The following GRM8 variants were observed in gnomAD, a reference collection of about 807,000 sequenced individuals.
The protein encoded by GRM8 is metabotropic glutamate receptor 8.
In GRM8, 47 loss-of-function variants were observed where a neutral mutation model predicts 87.2. That is an observed-to-expected ratio of 0.54 (90% CI 0.43 to 0.69). The LOEUF (loss-of-function observed/expected upper bound fraction) is 0.69, where lower values mean the gene tolerates loss of function less well. GRM8 is among the 30% of genes least tolerant of loss of function. The pLI is 0.00. For synonymous variants in GRM8, 396 were observed against 404.5 expected, an observed-to-expected ratio of 0.98 and a Z score of 0.25; for missense variants, 1,019 against 1,139.2, an observed-to-expected ratio of 0.89 and a Z score of 1.52.
intron 2 of GRM8, among the ~76,000 whole-genome samples, chr7:127,210,598 A>AT (rs978106867): frequency 1.1e-4 from 16 of 152,112 alleles, no homozygotes; most frequent in African/African-American, 3.6e-4. Flanking sequence ...TACATGATAA[A>AT]TTTTTTCTGT....
At chr7:126,563,907 G>A (rs1024397447) in intron 8 of GRM8, among the ~76,000 whole-genome samples, 1 of 152,136 alleles carries the variant, frequency 6.6e-6, no homozygotes, top group Non-Finnish European at 1.5e-5. Context: ...AGTGCTTATC[G>A]CTAGAAATTT....
chr7:127,051,340 G>A (rs550741300), intron 3 of GRM8, among the ~76,000 whole-genome samples: 1 of 56,804 alleles, frequency 1.8e-5, no homozygotes, highest in African/African-American at 2.3e-4. Context: ...TTTTCCCTTC[G>A]TGGCAAAAAA....
At chr7:126,688,072 T>C (rs548551375) in intron 7 of GRM8, among the ~76,000 whole-genome samples, 1 of 152,282 alleles carries the variant, frequency 6.6e-6, no homozygotes, top group Admixed American at 6.5e-5. Context: ...AAATATCCTA[T>C]CACATTCTGT....
At chr7:127,056,816 T>C (rs756117220) in intron 3 of GRM8, among the ~76,000 whole-genome samples, 3 of 152,202 alleles carry the variant, frequency 2.0e-5, no homozygotes, top group Admixed American at 6.5e-5. Context: ...CAACCACCAT[T>C]TCAAATTCCA....
chr7:126,730,544 T>C (rs1286803843), intron 7 of GRM8, among the ~76,000 whole-genome samples: 1 of 152,112 alleles, frequency 6.6e-6, no homozygotes, highest in Non-Finnish European at 1.5e-5. Flanking sequence ...AATATTTTAT[T>C]TTGTAAACAA....
chr7:127,123,018 A>T (rs1485567977), intron 2 of GRM8, among the ~76,000 whole-genome samples: 1 of 152,088 alleles, frequency 6.6e-6, no homozygotes, highest in Admixed American at 6.6e-5. Context: ...AAGACTTTTA[A>T]TCCCCTGTAG....
intron 7 of GRM8, among the ~76,000 whole-genome samples, chr7:126,746,009 G>C (rs1815628111): frequency 6.6e-6 from 1 of 151,524 alleles, no homozygotes; most frequent in South Asian, 2.1e-4. Flanking sequence ...TTGCCCTAAA[G>C]AAAGCTAAGA....
intron 7 of GRM8, among the ~76,000 whole-genome samples, chr7:126,648,080 T>C (rs1467308841): frequency 6.6e-6 from 1 of 152,088 alleles, no homozygotes; most frequent in African/African-American, 2.4e-5. Flanking sequence ...TTCACCTCCT[T>C]AAAACCGATA....
chr7:127,016,340 C>T (rs17867733), intron 3 of GRM8, among the ~76,000 whole-genome samples: 4 of 151,950 alleles, frequency 2.6e-5, no homozygotes. Context: ...CTAAAAGGAG[C>T]AGAACCAGGT....
At chr7:126,917,919 C>T (rs13310865) in intron 3 of GRM8, among the ~76,000 whole-genome samples, 7 of 152,170 alleles carry the variant, frequency 4.6e-5, no homozygotes, top group African/African-American at 1.2e-4. Flanking sequence ...TCCATAAACC[C>T]GGGTCTGCCT....
chr7:126,733,568 T>C (rs1170516183), intron 7 of GRM8, among the ~76,000 whole-genome samples: 3 of 151,420 alleles, frequency 2.0e-5, no homozygotes, highest in Non-Finnish European at 4.4e-5. Flanking sequence ...AAATCTAATA[T>C]TATATTAAAA....
intron 3 of GRM8, among the ~76,000 whole-genome samples, chr7:127,051,360 A>C (rs184310686): frequency 1.5e-3 from 232 of 152,022 alleles, no homozygotes; most frequent in Non-Finnish European, 2.6e-3. Context: ...AAAAACCTGC[A>C]CACGTACCCT....
intron 3 of GRM8, among the ~76,000 whole-genome samples, chr7:126,971,078 T>C (rs756219593): frequency 7.0e-6 from 1 of 143,782 alleles, no homozygotes; most frequent in Non-Finnish European, 1.5e-5. Flanking sequence ...GACACAGAGA[T>C]ACTAAGTGAA....
At chr7:126,800,743 G>A (rs532902561) in intron 6 of GRM8, among the ~76,000 whole-genome samples, 6 of 152,108 alleles carry the variant, frequency 3.9e-5, no homozygotes, top group Non-Finnish European at 8.8e-5. Context: ...AAAATAAAGT[G>A]TTTAAAAGAA....
intron 2 of GRM8, among the ~76,000 whole-genome samples, chr7:127,208,937 A>G (rs182661991): frequency 2.0e-5 from 3 of 152,306 alleles, no homozygotes; most frequent in African/African-American, 4.8e-5. Flanking sequence ...TTGGGGATAC[A>G]TAGTTCCCAG....
At chr7:126,751,373 TCAG>T (rs1816397235) in intron 7 of GRM8, among the ~76,000 whole-genome samples, 1 of 152,168 alleles carries the variant, frequency 6.6e-6, no homozygotes, top group African/African-American at 2.4e-5. Context: ...ACATTATTTC[TCAG>T]AAGGATATTT....
chr7:127,117,500 T>C (rs894510996), intron 2 of GRM8, among the ~76,000 whole-genome samples: 3 of 152,222 alleles, frequency 2.0e-5, no homozygotes, highest in African/African-American at 4.8e-5. Flanking sequence ...GATTTCAAGA[T>C]GAAATCTCTG....
intron 9 of GRM8, among the ~76,000 whole-genome samples, chr7:126,452,550 C>T (rs1445352282): frequency 6.7e-6 from 1 of 148,950 alleles, no homozygotes; most frequent in East Asian, 2.0e-4. Flanking sequence ...CATGTATTTC[C>T]AAGAAGGAAA....
At chr7:126,673,069 G>A (rs1351691778) in intron 7 of GRM8, among the ~76,000 whole-genome samples, 1 of 152,138 alleles carries the variant, frequency 6.6e-6, no homozygotes, top group Non-Finnish European at 1.5e-5. Flanking sequence ...CCACTGCGGT[G>A]GAGCCATGGA....
Sources: gnomAD v4.1 joint callset for allele counts (sites outside exome capture counted in the v4.1 genomes callset) on GRCh38, gnomAD v4.1.1 for gene constraint, MANE v1.5 for transcripts, NCBI Gene and HGNC (gene_info 2026-07-23, HGNC 2026-07-21) for gene names.